Variants in PPP2R2D observed in about 807,000 individuals in gnomAD.
PPP2R2D encodes serine/threonine-protein phosphatase 2A 55 kDa regulatory subunit B delta isoform.
In PPP2R2D, 9 loss-of-function variants were observed where a neutral mutation model predicts 31.1. The ratio of observed to expected loss-of-function variants is 0.29; its 90% CI spans 0.17 to 0.51. The LOEUF (loss-of-function observed/expected upper bound fraction) is 0.51, where lower values mean the gene tolerates loss of function less well. Among genes scored for constraint, PPP2R2D ranks in the 20% least tolerant of loss-of-function variants. The probability of loss-of-function intolerance (pLI) is 0.98; values close to 1 mark genes in which losing one functional copy is unlikely to be tolerated. For missense variants in PPP2R2D, 391 were observed against 465.6 expected (o/e 0.84, Z 1.48); for synonymous variants, 179 against 172.6 (o/e 1.04, Z -0.29).
rs78150687 is a variant in PPP2R2D, at chr10:131,921,293, G to A, written c.101-13165G>A. Among the ~76,000 whole-genome samples, 1,054 of 152,332 alleles carry A rather than the reference G, an allele frequency of 6.9e-3. 2 individuals carry two copies. The highest frequency in any genetic ancestry group is 0.024 in the Middle Eastern group (7 of 294). The stretch of plus-strand genomic sequence containing the variant: ...ACGTGCAGGGAGTGACCGGGGGAAT[G>A]TCCCAGCCTCACTTTGCAGGTGCAG... On this transcript the variant is annotated intron_variant, in intron 2 of 8. Transcript: ENST00000455566.
intron 2 of PPP2R2D, chr10:131,911,967 C>A (rs1009156502): frequency 6.6e-6 from 1 of 152,162 alleles, no homozygotes; most frequent in African/African-American, 2.4e-5. Flanking sequence ...GAGCACAGAG[C>A]GGAAGTTCCT....
intron 8 of PPP2R2D, among the ~76,000 whole-genome samples, chr10:131,948,908 G>C (rs1465895432): frequency 2.6e-5 from 4 of 152,246 alleles, no homozygotes; most frequent in African/African-American, 7.2e-5. Context: ...GTCTGTCTGA[G>C]GCCTTGCATG....
At chr10:131,954,004 G>A (rs1230388003) in intron 8 of PPP2R2D, among the ~76,000 whole-genome samples, 4 of 152,292 alleles carry the variant, frequency 2.6e-5, no homozygotes, top group East Asian at 1.9e-4. Context: ...GGAGTGAGGC[G>A]TTTCAGTGCT....
intron 2 of PPP2R2D, among the ~76,000 whole-genome samples, chr10:131,931,360 T>G (rs2036222705): frequency 6.6e-6 from 1 of 152,200 alleles, no homozygotes; most frequent in African/African-American, 2.4e-5. Context: ...TTTGTTATTT[T>G]TTACTGAGAT....
chr10:131,962,188 G>A (rs1327337413), downstream of PPP2R2D, among the ~76,000 whole-genome samples: 14 of 152,306 alleles, frequency 9.2e-5, no homozygotes, highest in East Asian at 1.5e-3. Flanking sequence ...ACACCAAATC[G>A]AGCAGCGGGG....
chr10:131,953,611 TTGTC>T (rs1358684484), intron 8 of PPP2R2D, among the ~76,000 whole-genome samples: 1 of 126,186 alleles, frequency 7.9e-6, no homozygotes, highest in African/African-American at 3.0e-5. Context: ...CGGGGGTTCA[TTGTC>T]TTAGTGACTT....
At chr10:131,910,722 G>C (rs1437486795) in intron 2 of PPP2R2D, among the ~76,000 whole-genome samples, 2 of 152,198 alleles carry the variant, frequency 1.3e-5, no homozygotes, top group Non-Finnish European at 2.9e-5. Context: ...CGTTGGCTAA[G>C]GGCCGGCAAC....
rs781981250 is a variant in PPP2R2D, at chr10:131,947,648, G to A, written c.939G>A (p.Ser313=). 13 of 1,614,086 alleles carry A rather than the reference G, an allele frequency of 8.1e-6. No individual in the cohort carries two copies. Among genetic ancestry groups the A allele is most frequent in the African/African-American group, 4.0e-5 (3 of 74,944 alleles). ...GRYMMTRDYL[S]VKVWDLNMES... is the part of the protein sequence containing the mutation. ...ACATGATGACCAGAGACTACCTGTC[G>A]GTGAAGGTGTGGGACCTCAACATGG... Residue 313 remains serine (S), a synonymous_variant, in exon 8 of 9, where the codon TCG becomes TCA. Coordinates refer to ENST00000455566, the MANE Select transcript of PPP2R2D (RefSeq NM_018461.5). The surrounding 1 kb of genome is among the most constrained non-coding windows in gnomAD (Gnocchi z 4.3).
chr10:131,922,862 C>T (rs2119817440), intron 2 of PPP2R2D, among the ~76,000 whole-genome samples: 1 of 152,210 alleles, frequency 6.6e-6, no homozygotes, highest in South Asian at 2.1e-4. Context: ...AAATTTATAT[C>T]AGATTTTTGT....
intron 8 of PPP2R2D, among the ~76,000 whole-genome samples, chr10:131,951,279 A>G (rs1554898736): frequency 1.3e-5 from 2 of 152,232 alleles, no homozygotes; most frequent in African/African-American, 4.8e-5. Context: ...CAGACAAGAA[A>G]ACGTGCTCAG....
At chr10:131,908,641 T>G (rs1451039142) in intron 2 of PPP2R2D, among the ~76,000 whole-genome samples, 1 of 152,246 alleles carries the variant, frequency 6.6e-6, no homozygotes, top group African/African-American at 2.4e-5. Flanking sequence ...ACTTGGGAAG[T>G]TACTTACTCT....
intron 2 of PPP2R2D, among the ~76,000 whole-genome samples, chr10:131,922,966 A>G (rs1288152306): frequency 6.6e-6 from 1 of 152,112 alleles, no homozygotes; most frequent in Non-Finnish European, 1.5e-5. Context: ...TAGTGACTTG[A>G]TCCATTTGTT....
At chr10:131,971,307 A>C in the PPP2R2D span, 7 of 327,830 alleles carry the variant, frequency 2.1e-5, no homozygotes, top group Non-Finnish European at 4.0e-5. Flanking sequence ...ATGAGGGCAA[A>C]GATGGTGACG....
chr10:131,922,353 T>C (rs1425309885), intron 2 of PPP2R2D, among the ~76,000 whole-genome samples: 2 of 152,190 alleles, frequency 1.3e-5, no homozygotes, highest in East Asian at 3.8e-4. Context: ...AAAGGAGTTA[T>C]GTGGGCTAAT....
intron 3 of PPP2R2D, among the ~76,000 whole-genome samples, chr10:131,936,961 T>A (rs1374591015): frequency 6.6e-6 from 1 of 152,232 alleles, no homozygotes. Context: ...AGTGCACGTG[T>A]TCATCCATGG....
At chr10:131,910,713 G>C (rs917810540) in intron 2 of PPP2R2D, among the ~76,000 whole-genome samples, 1 of 152,166 alleles carries the variant, frequency 6.6e-6, no homozygotes, top group Non-Finnish European at 1.5e-5. Context: ...TTCGTAATGC[G>C]TTGGCTAAGG....
intron 3 of PPP2R2D, among the ~76,000 whole-genome samples, chr10:131,939,524 C>G (rs529829687): frequency 7.9e-6 from 1 of 126,814 alleles, no homozygotes; most frequent in East Asian, 2.2e-4. Flanking sequence ...ACACGGCAGG[C>G]TGCATTCGGC....
At chr10:131,933,545 C>G (rs1446763411) in intron 2 of PPP2R2D, among the ~76,000 whole-genome samples, 1 of 152,124 alleles carries the variant, frequency 6.6e-6, no homozygotes, top group East Asian at 1.9e-4. Context: ...GGCCATAGGA[C>G]AAGCTCTGAT....
At chr10:131,922,458 T>C (rs995600791) in intron 2 of PPP2R2D, among the ~76,000 whole-genome samples, 3 of 151,484 alleles carry the variant, frequency 2.0e-5, no homozygotes. Flanking sequence ...TCAATTGTTT[T>C]TTTTTTTTTT....
Sources: allele counts gnomAD v4.1 joint callset (sites outside exome capture counted in the v4.1 genomes callset), GRCh38; gene constraint gnomAD v4.1.1; non-coding constraint Gnocchi (gnomAD v3.1); transcripts MANE v1.5; gene names NCBI Gene and HGNC (gene_info 2026-07-23, HGNC 2026-07-21).